The following RNF150 variants were observed in gnomAD, a reference collection of about 807,000 sequenced individuals.
RNF150 encodes the protein ring finger protein 150.
RNF150 carries 24 observed loss-of-function variants against 39.3 expected under a neutral mutation model. That is an observed-to-expected ratio of 0.61 (90% confidence interval 0.44 to 0.86). RNF150 has a LOEUF of 0.86. RNF150 is among the 40% of genes least tolerant of loss of function. The pLI is 0.00. For synonymous variants in RNF150, 255 were observed against 227.3 expected (o/e 1.12, Z -1.10); for missense variants, 502 against 587.8 (o/e 0.85, Z 1.51).
chr4:140,954,947 C>T (rs1732693291), intron 2 of RNF150, among the ~76,000 whole-genome samples: 1 of 151,852 alleles, frequency 6.6e-6, no homozygotes, highest in Non-Finnish European at 1.5e-5. Context: ...TTGTTTTTTT[C>T]CCTAACAGCT....
Position 140,987,952 on chromosome 4 carries a change from A to C in RNF150, c.485-20079T>G, listed in dbSNP as rs146472954. Reference sequence around the variant, plus strand: ...TATTAAAAATGGACAAAAGACATGAACAGACACTTCTCAAAAGAAGACATA... The same window carrying C: ...TATTAAAAATGGACAAAAGACATGACCAGACACTTCTCAAAAGAAGACATA... On this transcript the variant is annotated intron_variant, in intron 1 of 6. Coordinates refer to ENST00000515673, the MANE Select transcript of RNF150 (RefSeq NM_020724.2). Among the ~76,000 whole-genome samples the C allele has an allele frequency of 4.6e-3, 707 of 152,330 alleles. 6 individuals are homozygous for C. Among genetic ancestry groups the C allele is most frequent in the African/African-American group, 0.016 (675 of 41,580 alleles).
intron 1 of RNF150, among the ~76,000 whole-genome samples, chr4:141,179,189 G>A (rs906533352): frequency 5.3e-5 from 8 of 152,090 alleles, no homozygotes; most frequent in Admixed American, 3.9e-4. Flanking sequence ...TGTAGCACCT[G>A]GTCGTTGATT....
intron 1 of RNF150, among the ~76,000 whole-genome samples, chr4:141,104,874 C>T (rs1739144877): frequency 6.6e-6 from 1 of 152,188 alleles, no homozygotes; most frequent in Admixed American, 6.5e-5. Context: ...GCACTTCCAA[C>T]TCCCTCATGG....
chr4:140,967,709 T>C lies in RNF150; in HGVS notation c.649A>G (p.Ile217Val). Residue 217 changes from isoleucine to valine, a missense_variant, in exon 2 of 7, where the codon ATT becomes GTT. By Grantham distance (29) the Ile-to-Val change is conservative. Transcript: ENST00000515673. The part of the protein sequence containing the change: ...TSVVFVSISF[I>V]VLMIISLAWL... ...GCGAGGGAAATGATCATCAGGACAA[T>C]GAAGGAGATGGAGACAAACACAACC... 1 of 1,613,518 alleles carries C rather than the reference T, an allele frequency of 6.2e-7. No homozygotes were observed. The highest frequency in any genetic ancestry group is 8.5e-7 in the Non-Finnish European group (1 of 1,179,626).
At chr4:141,139,053 CAA>C (rs1212546925) in intron 1 of RNF150, among the ~76,000 whole-genome samples, 2 of 151,870 alleles carry the variant, frequency 1.3e-5, no homozygotes, top group African/African-American at 2.4e-5. Flanking sequence ...AAAAAGAAGA[CAA>C]AGAAAAATTT....
chr4:140,970,020 T>C (rs898044911), intron 1 of RNF150, among the ~76,000 whole-genome samples: 8 of 152,146 alleles, frequency 5.3e-5, no homozygotes, highest in African/African-American at 1.4e-4. Context: ...TGCCTTGGCC[T>C]CCCCAAGTGC....
chr4:140,880,882 C>T (rs1411061273), intron 6 of RNF150, among the ~76,000 whole-genome samples: 35 of 152,006 alleles, frequency 2.3e-4, no homozygotes, highest in Non-Finnish European at 7.4e-5. Context: ...TAATGTCTAA[C>T]TATTTATTCA....
intron 1 of RNF150, among the ~76,000 whole-genome samples, chr4:141,078,330 G>A (rs763825615): frequency 1.3e-5 from 2 of 152,222 alleles, no homozygotes; most frequent in Non-Finnish European, 2.9e-5. Flanking sequence ...AATCTCAGAA[G>A]ACTGAGCAAT....
chr4:141,024,648 G>C (rs1735623290), intron 1 of RNF150, among the ~76,000 whole-genome samples: 1 of 152,176 alleles, frequency 6.6e-6, no homozygotes, highest in African/African-American at 2.4e-5. Flanking sequence ...TTATTCAAGT[G>C]AAAAGTGTGC....
At chr4:141,014,307 G>C (rs1371119201) in intron 1 of RNF150, among the ~76,000 whole-genome samples, 1 of 152,184 alleles carries the variant, frequency 6.6e-6, no homozygotes, top group Non-Finnish European at 1.5e-5. Flanking sequence ...GAACATAGGA[G>C]TGCAGATATT....
At chr4:141,038,251 G>A (rs530436556) in intron 1 of RNF150, among the ~76,000 whole-genome samples, 12 of 152,122 alleles carry the variant, frequency 7.9e-5, no homozygotes, top group Non-Finnish European at 1.6e-4. Context: ...TGGTGTGCAC[G>A]CTACACCCCT....
chr4:141,025,531 G>GA (rs1022109609), intron 1 of RNF150, among the ~76,000 whole-genome samples: 10 of 151,354 alleles, frequency 6.6e-5, no homozygotes, highest in Admixed American at 2.0e-4. Flanking sequence ...GGTGAAAGCT[G>GA]AAAAAAAATG....
chr4:140,923,383 C>A (rs1446032464), intron 5 of RNF150, among the ~76,000 whole-genome samples: 1 of 152,238 alleles, frequency 6.6e-6, no homozygotes, highest in Non-Finnish European at 1.5e-5. Context: ...CTCACCATCA[C>A]TGGCCATCAG....
At chr4:141,043,946 T>C (rs535825551) in intron 1 of RNF150, among the ~76,000 whole-genome samples, 16 of 152,182 alleles carry the variant, frequency 1.1e-4, no homozygotes, top group Non-Finnish European at 1.9e-4. Flanking sequence ...AAGGAACTAA[T>C]ATTGATGAAG....
chr4:140,878,166 T>G (rs1013118044), intron 6 of RNF150, among the ~76,000 whole-genome samples: 9 of 90,106 alleles, frequency 1.0e-4, no homozygotes, highest in African/African-American at 3.0e-4. Context: ...CTCATTGTGT[T>G]TTTTTTTTTT....
intron 1 of RNF150, among the ~76,000 whole-genome samples, chr4:141,063,406 A>G (rs530433222): frequency 5.5e-4 from 84 of 152,322 alleles, no homozygotes; most frequent in Non-Finnish European, 1.1e-3. Flanking sequence ...ACAGCCATTT[A>G]GGTTATGCCA....
intron 4 of RNF150, among the ~76,000 whole-genome samples, chr4:140,935,038 TATATATAA>T (rs1409417819): frequency 0.3 from 2,705 of 9,166 alleles, 45 homozygotes; most frequent in East Asian, 0.48. Context: ...TTATAATATA[TATATATAA>T]ATATATATAT....
At chr4:141,164,231 A>T (rs923576388) in intron 1 of RNF150, among the ~76,000 whole-genome samples, 1 of 151,954 alleles carries the variant, frequency 6.6e-6, no homozygotes, top group Non-Finnish European at 1.5e-5. Context: ...TAATGAAAAA[A>T]AAACATGAAG....
intron 1 of RNF150, among the ~76,000 whole-genome samples, chr4:141,180,041 A>G (rs1250524873): frequency 1.3e-5 from 2 of 152,148 alleles, no homozygotes; most frequent in Non-Finnish European, 2.9e-5. Context: ...TCTATTTGGA[A>G]TGCATTCTTC....
Sources: allele counts gnomAD v4.1 joint callset (sites outside exome capture counted in the v4.1 genomes callset), GRCh38; gene constraint gnomAD v4.1.1; transcripts MANE v1.5; gene names NCBI Gene and HGNC (gene_info 2026-07-23, HGNC 2026-07-21).